Variants in LRRTM4 observed in about 807,000 individuals in gnomAD.
LRRTM4 encodes leucine-rich repeat transmembrane neuronal protein 4.
In LRRTM4, 25 loss-of-function variants were observed where a neutral mutation model predicts 47.6. The ratio of observed to expected loss-of-function variants is 0.53; its 90% confidence interval spans 0.38 to 0.73. The LOEUF (loss-of-function observed/expected upper bound fraction) is 0.73, where lower values mean the gene tolerates loss of function less well. LRRTM4 is among the 30% of genes least tolerant of loss of function. LRRTM4 has a pLI of 0.00. For missense variants in LRRTM4, 638 were observed against 713.4 expected (o/e 0.89, Z 1.20); for synonymous variants, 311 against 269.5 (o/e 1.15, Z -1.51).
chr2:76,912,613 G>C (rs74712147), intron 3 of LRRTM4, among the ~76,000 whole-genome samples: 1,961 of 152,320 alleles, frequency 0.013, 21 homozygotes, highest in Middle Eastern at 0.061. Flanking sequence ...CGTAGGGCCT[G>C]ATATGGTTTG....
At chr2:76,906,193 A>C (rs1161948132) in intron 3 of LRRTM4, among the ~76,000 whole-genome samples, 1 of 152,216 alleles carries the variant, frequency 6.6e-6, no homozygotes, top group East Asian at 1.9e-4. Flanking sequence ...GCCAATATTC[A>C]ACATTCTTAA....
At chr2:76,820,708 C>G (rs1304027837) in intron 3 of LRRTM4, among the ~76,000 whole-genome samples, 2 of 151,652 alleles carry the variant, frequency 1.3e-5, no homozygotes, top group Non-Finnish European at 2.9e-5. Flanking sequence ...GGCTGAAACT[C>G]TCTTCCCATT....
At chr2:77,233,341 C>G (rs760273819) in intron 3 of LRRTM4, among the ~76,000 whole-genome samples, 17 of 152,062 alleles carry the variant, frequency 1.1e-4, no homozygotes, top group Non-Finnish European at 2.2e-4. Context: ...AGAACTGGGC[C>G]TCAGGAGCCT....
chr2:76,978,339 T>A (rs750891202), intron 3 of LRRTM4, among the ~76,000 whole-genome samples: 1 of 152,074 alleles, frequency 6.6e-6, no homozygotes, highest in Admixed American at 6.6e-5. Flanking sequence ...TGAAAGCACA[T>A]GCTTGGCTTA....
At chr2:77,363,206 C>T (rs975924097) in intron 3 of LRRTM4, among the ~76,000 whole-genome samples, 7 of 151,984 alleles carry the variant, frequency 4.6e-5, no homozygotes, top group African/African-American at 1.5e-4. Flanking sequence ...TAAATTTTAC[C>T]GTGGCTTATC....
chr2:76,937,741 G>A (rs966531520), intron 3 of LRRTM4, among the ~76,000 whole-genome samples: 4 of 152,004 alleles, frequency 2.6e-5, no homozygotes, highest in South Asian at 2.1e-4. Context: ...TAATTTTTTC[G>A]TATTTTAGTA....
intron 3 of LRRTM4, among the ~76,000 whole-genome samples, chr2:77,499,630 T>A (rs1337298996): frequency 3.3e-5 from 5 of 151,958 alleles, no homozygotes; most frequent in Non-Finnish European, 7.4e-5. Context: ...CCAGAGTCAG[T>A]CACTCTAACT....
chr2:77,203,504 G>C (rs1366814953), intron 3 of LRRTM4, among the ~76,000 whole-genome samples: 1 of 152,022 alleles, frequency 6.6e-6, no homozygotes, highest in African/African-American at 2.4e-5. Flanking sequence ...TTGGCAGTAG[G>C]GCCCATCTTA....
intron 3 of LRRTM4, among the ~76,000 whole-genome samples, chr2:77,474,592 G>A (rs143147459): frequency 6.6e-6 from 1 of 152,032 alleles, no homozygotes; most frequent in East Asian, 1.9e-4. Context: ...ATTCAAATAA[G>A]TGTTATAGGA....
intron 3 of LRRTM4, among the ~76,000 whole-genome samples, chr2:77,294,887 T>C (rs987513071): frequency 6.6e-6 from 1 of 152,160 alleles, no homozygotes; most frequent in Non-Finnish European, 1.5e-5. Flanking sequence ...ACCATCTATA[T>C]TTTAGAACTG....
intron 3 of LRRTM4, among the ~76,000 whole-genome samples, chr2:76,812,675 C>CTTTCTTTCTTTCTTTCT (rs1670768837): frequency 8.6e-6 from 1 of 116,868 alleles, no homozygotes; most frequent in Admixed American, 9.3e-5. Context: ...CAAATAAGCT[C>CTTTCTTTCTTTCTTTCT]TTTCTTTCTT....
At chr2:77,362,109 GAA>G (rs1277053378) in intron 3 of LRRTM4, among the ~76,000 whole-genome samples, 13 of 137,908 alleles carry the variant, frequency 9.4e-5, no homozygotes, top group African/African-American at 2.6e-4. Flanking sequence ...AGGAAAGAAA[GAA>G]AGAGAGAAAG....
At chr2:76,937,942 G>A (rs911197271) in intron 3 of LRRTM4, among the ~76,000 whole-genome samples, 5 of 151,964 alleles carry the variant, frequency 3.3e-5, no homozygotes, top group African/African-American at 7.2e-5. Flanking sequence ...TATAACTTAC[G>A]AAAAATGGAG....
At chr2:77,044,195 C>T (rs1446691) in intron 3 of LRRTM4, among the ~76,000 whole-genome samples, 3 of 151,770 alleles carry the variant, frequency 2.0e-5, no homozygotes, top group South Asian at 2.1e-4. Context: ...TGCAGAGGAC[C>T]TACTGTCCTT....
intron 3 of LRRTM4, among the ~76,000 whole-genome samples, chr2:76,901,797 A>T (rs552904913): frequency 6.6e-6 from 1 of 152,250 alleles, no homozygotes; most frequent in African/African-American, 2.4e-5. Flanking sequence ...TTACATGCAC[A>T]CTGGATCTGG....
rs534457482 is a variant in LRRTM4, at chr2:76,764,039, T to C, written c.1552-15123A>G. On this transcript the variant is annotated intron_variant, in intron 3 of 3. Coordinates refer to ENST00000409884, the MANE Select transcript of LRRTM4 (RefSeq NM_001134745.3). The stretch of plus-strand genomic sequence containing the variant: ...TCTTTGTAAAAAGAACTCAGTTGAA[T>C]GTGTTGTAGTGTTTAGAGGAAGAAA... 6.8e-4 allele frequency among the ~76,000 whole-genome samples: 103 copies of C among 152,270 alleles called. No individual in the cohort carries two copies. The South Asian group carries it at 0.021, about 30-fold the overall frequency.
At chr2:76,827,251 G>T (rs1671214539) in intron 3 of LRRTM4, among the ~76,000 whole-genome samples, 1 of 151,746 alleles carries the variant, frequency 6.6e-6, no homozygotes, top group South Asian at 2.1e-4. Context: ...CAGCTCTGTG[G>T]ACATTTTAGA....
At chr2:77,204,513 C>T (rs1674065722) in intron 3 of LRRTM4, among the ~76,000 whole-genome samples, 2 of 151,922 alleles carry the variant, frequency 1.3e-5, no homozygotes, top group South Asian at 4.1e-4. Context: ...GGAATTAGGC[C>T]AGGTGGATAC....
intron 3 of LRRTM4, among the ~76,000 whole-genome samples, chr2:77,458,909 G>C (rs774448869): frequency 6.6e-6 from 1 of 151,812 alleles, no homozygotes; most frequent in Non-Finnish European, 1.5e-5. Flanking sequence ...CAACTGATGG[G>C]TGAAAATTGC....
Sources: allele counts gnomAD v4.1 joint callset (sites outside exome capture counted in the v4.1 genomes callset), GRCh38; gene constraint gnomAD v4.1.1; transcripts MANE v1.5; gene names NCBI Gene and HGNC (gene_info 2026-07-23, HGNC 2026-07-21).